CFAP410: variants seen among roughly 807,000 people sequenced by gnomAD.
CFAP410 encodes cilia and flagella associated protein 410, also known as cilia- and flagella-associated protein 410.
In CFAP410, 27 loss-of-function variants were observed where a neutral mutation model predicts 25.7. The observed-to-expected ratio is 1.05, with a 90% CI of 0.77 to 1.45. The LOEUF (loss-of-function observed/expected upper bound fraction) is 1.45. CFAP410 is among the 40% of genes most tolerant of loss of function. The pLI, the probability that CFAP410 is intolerant of heterozygous loss-of-function variation, is 0.00. For synonymous variants in CFAP410, 178 were observed against 158.4 expected, an observed-to-expected ratio of 1.12 and a Z score of -0.93; for missense variants, 428 against 354.1, an observed-to-expected ratio of 1.21 and a Z score of -1.67.
chr21:44,330,904 A>G lies in CFAP410; in HGVS notation c.561T>C (p.Asp187=), dbSNP rs751274493. The change falls in exon 6 of 7, where the codon GAT becomes GAC. Residue 187 remains aspartate (D), a synonymous_variant. Transcript: ENST00000339818. ...GGGAAGGCGGCTTCAGGCCACGTTC[A>G]TCCTGGGCGCCGCTGCTGAGAGGGA... The part of the protein sequence containing the change: ...SEEEATSGAQ[D]ERGLKPPSRG... 34 of 1,597,658 alleles carry G rather than the reference A, an allele frequency of 2.1e-5. No individual in the cohort carries two copies. In the East Asian group the frequency reaches 3.6e-4, roughly 17 times the overall value.
At chr21:44,331,598 G>T in intron 5 of CFAP410, 2 of 515,616 alleles carry the variant, frequency 3.9e-6, no homozygotes, top group Non-Finnish European at 6.8e-6. Flanking sequence ...ACGGGGCCTG[G>T]CTCACCCCCT....
At position 44,339,151 on chromosome 21, in the gene CFAP410, G is replaced by A; in HGVS notation, c.44C>T (p.Ser15Leu). Residue 15 changes from serine to leucine, a missense_variant, in exon 1 of 7, where the codon TCG becomes TTG. Transcript: ENST00000339818. Reference protein sequence around the residue: ...RKMVLTRAKASELHSVRKLNC... With the variant: ...RKMVLTRAKALELHSVRKLNC... The stretch of plus-strand genomic sequence containing the variant: ...GAGCTTGCGCACGCTGTGCAGCTCC[G>A]AGGCCTTGGCCCGGGTCAGAACCAT... 6.8e-7 allele frequency: 1 copy of A among 1,472,352 alleles called. No homozygotes were observed. Among genetic ancestry groups the A allele is most frequent in the Non-Finnish European group, 9.0e-7 (1 of 1,108,336 alleles). 91.2% of individuals were successfully genotyped at this position (1,472,352 alleles called of 1,614,324 possible).
rs114642139 is a variant in CFAP410 at position 44,330,497 on chromosome 21, G to A, written c.643-171C>T. On this transcript the variant is annotated intron_variant, in intron 6 of 6. Transcript: ENST00000339818. The stretch of plus-strand genomic sequence containing the variant: ...CGGAGAATCTGAGCAGAGGAGCCCC[G>A]CCTGTGGACGCGTGTGTGGCACCTC... The A allele has an allele frequency of 3.9e-3, 6,000 of 1,543,456 alleles. 196 individuals carry two copies. The African/African-American group carries it at 0.072, about 18-fold the overall frequency.
chr21:44,330,100 G>T lies in CFAP410; in HGVS notation c.*98C>A. On this transcript the variant is annotated 3_prime_UTR_variant, in exon 7 of 7. Transcript: ENST00000339818. ...CAAACCGGGGAGGCTTTTGTGTGGGGCCGGGGCTGCGGCCATGGCAGCCAC... is the reference window on the plus strand; with the variant it reads ...CAAACCGGGGAGGCTTTTGTGTGGGTCCGGGGCTGCGGCCATGGCAGCCAC... 1 of 1,370,282 alleles carries T rather than the reference G, an allele frequency of 7.3e-7. No individual in the cohort carries two copies. Among genetic ancestry groups the T allele is most frequent in the Non-Finnish European group, 9.9e-7 (1 of 1,011,740 alleles). 84.9% of individuals were successfully genotyped at this position (1,370,282 alleles called of 1,614,324 possible).
rs2047639595 is a variant in CFAP410 at position 44,331,096 on chromosome 21, G to A, written c.546-177C>T. 1.6e-5 allele frequency: 10 copies of A among 634,054 alleles called. No homozygotes were observed. In the South Asian group the frequency reaches 1.8e-4, roughly 11 times the overall value. 39.3% of individuals were successfully genotyped at this position (634,054 alleles called of 1,614,324 possible). A position where few individuals can be genotyped will look rare whatever the true frequency, so the allele number is the denominator to read the frequency against. ...GGGAGGTCAGGGGCTACAGATGGCA[G>A]CTCCTGGAGAGCCCGGCACTTACTT... On this transcript the variant is annotated intron_variant, in intron 5 of 6. Transcript: ENST00000339818.
intron 4 of CFAP410, chr21:44,332,793 G>A: frequency 1.8e-6 from 1 of 554,514 alleles, no homozygotes. Context: ...TGCGGTCGTT[G>A]GGGGATACCC....
At chr21:44,330,462 C>A in intron 6 of CFAP410, 136 bp from the exon 7 acceptor site, 1 of 1,532,008 alleles carries the variant, frequency 6.5e-7, no homozygotes, top group Non-Finnish European at 8.8e-7. Flanking sequence ...AAGTGACTGA[C>A]CGGCACACTC....
chr21:44,331,515 A>C, intron 5 of CFAP410: 1 of 358,474 alleles, frequency 2.8e-6, no homozygotes. Flanking sequence ...CTGTGGCCCT[A>C]GGCCACCCCC....
chr21:44,335,396 G>T, intron 3 of CFAP410: 1 of 305,932 alleles, frequency 3.3e-6, no homozygotes, highest in Non-Finnish European at 6.2e-6. Context: ...TGGCCACCGT[G>T]GGGGCGGCCA....
intron 3 of CFAP410, chr21:44,334,349 CG>C (rs2047708393): frequency 2.3e-6 from 1 of 437,902 alleles, no homozygotes. Context: ...TCCACAGCCC[CG>C]CCCCAAGCTT....
intron 3 of CFAP410, chr21:44,335,496 G>A (rs962527433): frequency 1.6e-5 from 9 of 563,950 alleles, no homozygotes; most frequent in Non-Finnish European, 2.8e-5. Flanking sequence ...CAGGCCAAGG[G>A]TGGGCAGGCG....
At position 44,338,347 on chromosome 21, in the gene CFAP410, G is replaced by A. The variant is rs752983573; in HGVS notation, c.78-680C>T. 17 of 1,286,280 alleles carry A rather than the reference G, an allele frequency of 1.3e-5. No homozygotes were observed. The African/African-American group carries it at 1.7e-4, about 13-fold the overall frequency. 79.7% of individuals were successfully genotyped at this position (1,286,280 alleles called of 1,614,324 possible). A position where few individuals can be genotyped will look rare whatever the true frequency, so the allele number is the denominator to read the frequency against. ...CGCGGTCACTCTGCTGAGTCCCCAG[G>A]GAACCCTGGAGATCTTGCAGGCCTC... On this transcript the variant is annotated intron_variant, in intron 1 of 6. Transcript: ENST00000339818.
chr21:44,338,685 G>A (rs909848615), intron 1 of CFAP410: 3 of 157,586 alleles, frequency 1.9e-5, no homozygotes, highest in Non-Finnish European at 4.1e-5. Context: ...AGGCGACCCC[G>A]ACCCCCGGCC....
chr21:44,333,653 A>C, intron 3 of CFAP410: 1 of 311,042 alleles, frequency 3.2e-6, no homozygotes, highest in Non-Finnish European at 6.1e-6. Context: ...CATGGCAAAA[A>C]CTAGGAGCCA....
At chr21:44,331,467 C>T (rs576749058) in intron 5 of CFAP410, 23 of 295,018 alleles carry the variant, frequency 7.8e-5, no homozygotes, top group Non-Finnish European at 1.0e-4. Context: ...CAAGGCCATA[C>T]GGGCACTGAT....
chr21:44,334,743 A>G (rs2047722017), intron 3 of CFAP410: 3 of 204,384 alleles, frequency 1.5e-5, no homozygotes, highest in South Asian at 7.3e-5. Context: ...CTCCAAGCCC[A>G]TTTCATTCAT....
intron 2 of CFAP410, 43 bp downstream of exon 2, chr21:44,337,606 G>GAGAT (rs2047779836): frequency 6.3e-7 from 1 of 1,584,278 alleles, no homozygotes; most frequent in African/African-American, 1.4e-5. Context: ...AGGCTATTTG[G>GAGAT]AGATGATCAG....
intron 4 of CFAP410, 67 bp from the exon 5 acceptor site, chr21:44,332,081 C>T (rs913108296): frequency 3.6e-5 from 48 of 1,348,960 alleles, no homozygotes; most frequent in Non-Finnish European, 4.6e-5. Flanking sequence ...TGCACTGCAG[C>T]TCCCGTCCTC....
In CFAP410 at chr21:44,339,240, C is replaced by G. The variant is rs1469015937; in HGVS notation, c.-46G>C. 13 of 1,283,934 alleles carry G rather than the reference C, an allele frequency of 1.0e-5. No individual in the cohort carries two copies. Among genetic ancestry groups the G allele is most frequent in the Non-Finnish European group, 1.3e-5 (13 of 971,826 alleles). 79.5% of individuals were successfully genotyped at this position (1,283,934 alleles called of 1,614,324 possible). A position where few individuals can be genotyped will look rare whatever the true frequency, so the allele number is the denominator to read the frequency against. On this transcript the variant is annotated 5_prime_UTR_variant, in exon 1 of 7. Coordinates refer to ENST00000339818, the MANE Select transcript of CFAP410 (RefSeq NM_004928.3). ...CGGCGGGCGCCCCCGGCCTCCTGAT[C>G]CCGGGCGGGTGACGACTGCGCGGCG...
Sources: gnomAD v4.1 joint callset for allele counts on GRCh38, gnomAD v4.1.1 for gene constraint, MANE v1.5 for transcripts, NCBI Gene and HGNC (gene_info 2026-07-23, HGNC 2026-07-21) for gene names.